RALYL: variants seen among roughly 807,000 people sequenced by gnomAD.
RALYL encodes RNA-binding Raly-like protein.
RALYL carries 29 observed loss-of-function variants against 35.1 expected under a neutral mutation model. That is an observed-to-expected ratio of 0.83 (90% confidence interval 0.61 to 1.13). RALYL has a LOEUF of 1.13. Ranked by LOEUF, RALYL falls within the 50% of genes most tolerant of loss-of-function variation. The pLI is 0.00. For missense variants in RALYL, 359 were observed against 360.4 expected (o/e 1.00, Z 0.03); for synonymous variants, 120 against 127.6 (o/e 0.94, Z 0.40).
intron 2 of RALYL, among the ~76,000 whole-genome samples, chr8:84,683,342 T>C (rs1836024578): frequency 6.8e-6 from 1 of 147,652 alleles, no homozygotes; most frequent in Non-Finnish European, 1.5e-5. Context: ...GAGAGTTCTG[T>C]AGATGTCTAT....
chr8:84,642,567 T>C (rs1384221371), intron 2 of RALYL, among the ~76,000 whole-genome samples: 22 of 151,968 alleles, frequency 1.4e-4, no homozygotes, highest in Admixed American at 1.4e-3. Context: ...GATTCACCAT[T>C]TGAGCTCTGA....
At chr8:84,737,788 A>C (rs1847586345) in intron 2 of RALYL, among the ~76,000 whole-genome samples, 1 of 151,990 alleles carries the variant, frequency 6.6e-6, no homozygotes, top group African/African-American at 2.4e-5. Context: ...GAGGCTCCAC[A>C]GAGATTCCTT....
chr8:84,271,116 C>A (rs1331384269), intron 1 of RALYL, among the ~76,000 whole-genome samples: 3 of 145,434 alleles, frequency 2.1e-5, no homozygotes, highest in Admixed American at 6.8e-5. Context: ...TAAAAACAAG[C>A]TAGAGTGAAA....
chr8:84,189,006 T>C (rs921789946), intron 1 of RALYL, among the ~76,000 whole-genome samples: 11 of 152,190 alleles, frequency 7.2e-5, no homozygotes, highest in African/African-American at 2.7e-4. Flanking sequence ...TCTTTTTCTA[T>C]CCATTTGTAG....
chr8:84,620,092 G>T (rs1224919493), intron 2 of RALYL, among the ~76,000 whole-genome samples: 1 of 151,936 alleles, frequency 6.6e-6, no homozygotes, highest in Non-Finnish European at 1.5e-5. Flanking sequence ...TCTTCTCGAG[G>T]AGTATCTTTG....
chr8:84,461,727 T>A (rs548003491), intron 1 of RALYL, among the ~76,000 whole-genome samples: 1 of 151,920 alleles, frequency 6.6e-6, no homozygotes, highest in East Asian at 1.9e-4. Context: ...GTATTTACTG[T>A]AATTGGGATT....
chr8:84,271,629 G>A lies in RALYL; in HGVS notation c.-24+87205G>A, dbSNP rs572767589. Among the ~76,000 whole-genome samples, 36 of 151,954 alleles carry A rather than the reference G, an allele frequency of 2.4e-4. No homozygotes were observed. In the South Asian group the frequency reaches 6.0e-3, roughly 25 times the overall value. On this transcript the variant is annotated intron_variant, in intron 1 of 8. Coordinates refer to ENST00000521268, the MANE Select transcript of RALYL (RefSeq NM_173848.7). ...TTGTGAATGGGTGAATAAATATGGT[G>A]TATCCATATGATGGACTACTACCCA...
At chr8:84,873,166 A>C (rs1359327259) in intron 6 of RALYL, 118 bp from the exon 7 acceptor site, 1 of 514,500 alleles carries the variant, frequency 1.9e-6, no homozygotes, top group African/African-American at 2.0e-5. Flanking sequence ...AAATTGAAAA[A>C]TGTCCTATGT....
chr8:84,775,183 T>C (rs1406205004), intron 3 of RALYL, among the ~76,000 whole-genome samples: 1 of 152,166 alleles, frequency 6.6e-6, no homozygotes, highest in Non-Finnish European at 1.5e-5. Context: ...CTCGAACTTC[T>C]GACCTCAGGT....
chr8:84,395,518 A>G (rs1485184777), intron 1 of RALYL, among the ~76,000 whole-genome samples: 1 of 151,884 alleles, frequency 6.6e-6, no homozygotes. Flanking sequence ...TGTAATCTGT[A>G]AATGATGTAA....
At chr8:84,569,043 T>A (rs1476461631) in intron 2 of RALYL, among the ~76,000 whole-genome samples, 2 of 149,914 alleles carry the variant, frequency 1.3e-5, no homozygotes, top group Non-Finnish European at 3.0e-5. Context: ...CAGAAGCTCT[T>A]TAGTTTAATT....
intron 1 of RALYL, among the ~76,000 whole-genome samples, chr8:84,300,511 G>A (rs937424332): frequency 4.0e-5 from 6 of 151,734 alleles, no homozygotes; most frequent in Non-Finnish European, 8.8e-5. Context: ...TTCTGCGTTG[G>A]GGATCTAATA....
At chr8:84,416,263 C>T (rs919586951) in intron 1 of RALYL, among the ~76,000 whole-genome samples, 2 of 152,212 alleles carry the variant, frequency 1.3e-5, no homozygotes, top group Non-Finnish European at 2.9e-5. Context: ...GTCCTCATCA[C>T]ACCTAATAGC....
chr8:84,551,862 G>GA lies in RALYL; in HGVS notation c.256+22289dup, dbSNP rs1258937068. Among the ~76,000 whole-genome samples, 20 of 152,176 alleles carry GA rather than the reference G, an allele frequency of 1.3e-4. 2 individuals carry two copies. In the South Asian group the frequency reaches 3.9e-3, roughly 30 times the overall value. On this transcript the variant is annotated intron_variant, in intron 2 of 8. Coordinates refer to ENST00000521268, the MANE Select transcript of RALYL (RefSeq NM_173848.7). ...GGACCAAGATGGTAACTGTATAAATGAAAAGGAATCATTTAATCTTTCATT... is the reference window on the plus strand; with the variant it reads ...GGACCAAGATGGTAACTGTATAAATGAAAAAGGAATCATTTAATCTTTCATT...
chr8:84,699,035 TA>T (rs1270742183), intron 2 of RALYL, among the ~76,000 whole-genome samples: 27 of 152,052 alleles, frequency 1.8e-4, no homozygotes, highest in African/African-American at 6.5e-4. Context: ...GATAGATAGA[TA>T]GATAGATAGA....
At chr8:84,487,363 G>T (rs906256318) in intron 1 of RALYL, among the ~76,000 whole-genome samples, 2 of 152,198 alleles carry the variant, frequency 1.3e-5, no homozygotes, top group East Asian at 3.9e-4. Flanking sequence ...AGAAATTCAA[G>T]ATAAATGTTC....
At chr8:84,773,056 A>G (rs976726817) in intron 2 of RALYL, among the ~76,000 whole-genome samples, 1 of 152,128 alleles carries the variant, frequency 6.6e-6, no homozygotes, top group African/African-American at 2.4e-5. Context: ...CCTATGTTGA[A>G]TCAGATGATT....
intron 1 of RALYL, among the ~76,000 whole-genome samples, chr8:84,390,625 T>C (rs568638479): frequency 3.9e-5 from 6 of 152,254 alleles, no homozygotes; most frequent in African/African-American, 1.4e-4. Context: ...CTAGTTTATT[T>C]GTGTAGAGGT....
chr8:84,612,871 C>T (rs1225331558), intron 2 of RALYL, among the ~76,000 whole-genome samples: 8 of 151,648 alleles, frequency 5.3e-5, no homozygotes, highest in Non-Finnish European at 4.4e-5. Context: ...CATAGTGACA[C>T]TGCACAAAGA....
Sources: gnomAD v4.1 joint callset for allele counts (sites outside exome capture counted in the v4.1 genomes callset) on GRCh38, gnomAD v4.1.1 for gene constraint, MANE v1.5 for transcripts, NCBI Gene and HGNC (gene_info 2026-07-23, HGNC 2026-07-21) for gene names.